The following MITF variants were observed in gnomAD, a reference collection of about 807,000 sequenced individuals.
MITF encodes microphthalmia-associated transcription factor.
MITF carries 17 observed loss-of-function variants against 60.5 expected under a neutral mutation model. That is an observed-to-expected ratio of 0.28 (90% CI 0.19 to 0.42). The LOEUF (loss-of-function observed/expected upper bound fraction) is 0.42, where lower values mean the gene tolerates loss of function less well. MITF is among the 10% of genes least tolerant of loss of function. MITF has a pLI of 1.00. For synonymous variants in MITF, 260 were observed against 248.5 expected (o/e 1.05, Z -0.43); for missense variants, 622 against 683.5 (o/e 0.91, Z 1.00).
intron 5 of MITF, among the ~76,000 whole-genome samples, chr3:69,943,072 CTTTTTTTT>C (rs781031439): frequency 8.0e-6 from 1 of 124,932 alleles, no homozygotes; most frequent in Non-Finnish European, 1.7e-5. Context: ...TTAGCCTCCT[CTTTTTTTT>C]TTTTTTTTTT....
At chr3:69,924,435 C>G (rs1362744182) in intron 2 of MITF, among the ~76,000 whole-genome samples, 1 of 152,120 alleles carries the variant, frequency 6.6e-6, no homozygotes, top group African/African-American at 2.4e-5. Context: ...AACACTTTTC[C>G]TTTTATGGAG....
chr3:69,806,217 T>C (rs546116379), intron 1 of MITF, among the ~76,000 whole-genome samples: 1 of 152,106 alleles, frequency 6.6e-6, no homozygotes, highest in East Asian at 1.9e-4. Flanking sequence ...CCTGAGTAGC[T>C]GGGATTACAG....
intron 1 of MITF, among the ~76,000 whole-genome samples, chr3:69,754,212 C>G (rs1430094167): frequency 3.3e-5 from 5 of 151,542 alleles, no homozygotes; most frequent in African/African-American, 1.2e-4. Context: ...CTGTTAGTCT[C>G]TCTCTCTCCT....
intron 5 of MITF, among the ~76,000 whole-genome samples, chr3:69,943,578 T>A (rs2066021700): frequency 6.6e-6 from 1 of 152,140 alleles, no homozygotes; most frequent in Non-Finnish European, 1.5e-5. Flanking sequence ...TCAAATAATA[T>A]TGATAGTATT....
At chr3:69,902,342 G>A (rs2065011713) in intron 2 of MITF, among the ~76,000 whole-genome samples, 1 of 151,942 alleles carries the variant, frequency 6.6e-6, no homozygotes, top group African/African-American at 2.4e-5. Context: ...TATACTTGAA[G>A]CTTGCTTTGA....
chr3:69,829,143 C>T (rs2063404933), intron 1 of MITF, among the ~76,000 whole-genome samples: 1 of 152,100 alleles, frequency 6.6e-6, no homozygotes, highest in Non-Finnish European at 1.5e-5. Flanking sequence ...TTTGGGCTTG[C>T]ATATTTGTGT....
chr3:69,825,477 G>A (rs1459962946), intron 1 of MITF, among the ~76,000 whole-genome samples: 1 of 152,192 alleles, frequency 6.6e-6, no homozygotes, highest in Non-Finnish European at 1.5e-5. Flanking sequence ...TCACAACAAG[G>A]CTGCTGAGGG....
At chr3:69,769,051 C>T (rs2062349859) in intron 1 of MITF, among the ~76,000 whole-genome samples, 1 of 152,148 alleles carries the variant, frequency 6.6e-6, no homozygotes, top group Admixed American at 6.5e-5. Flanking sequence ...TTGGGCAAAT[C>T]ACTAAGATTC....
chr3:69,964,898 G>T lies in MITF; in HGVS notation c.1231G>T (p.Gly411Cys). 1 of 1,614,020 alleles carries T rather than the reference G, an allele frequency of 6.2e-7. No individual in the cohort carries two copies. The highest frequency in any genetic ancestry group is 8.5e-7 in the Non-Finnish European group (1 of 1,179,996). ...TGGACTTTCCCTTATTCCATCCACGGGTCTCTGCTCTCCAGATTTGGTGAA... is the reference window on the plus strand; with the variant it reads ...TGGACTTTCCCTTATTCCATCCACGTGTCTCTGCTCTCCAGATTTGGTGAA... ...AHGLSLIPST[G>C]LCSPDLVNRI... Residue 411 changes from glycine (G) to cysteine (C), a missense_variant, in exon 10 of 10, where the codon GGT becomes TGT. Gly to Cys is a radical substitution (Grantham distance 159, BLOSUM62 -3). Transcript: ENST00000352241.
chr3:69,869,161 C>T (rs1459701145), intron 1 of MITF, among the ~76,000 whole-genome samples: 5 of 152,174 alleles, frequency 3.3e-5, no homozygotes. Flanking sequence ...TGTTGGGAGA[C>T]AGACACCAAC....
At chr3:69,949,256 A>G (rs906591990) in intron 6 of MITF, 88 bp downstream of exon 6, 26 of 981,416 alleles carry the variant, frequency 2.6e-5, no homozygotes, top group Admixed American at 6.8e-5. Flanking sequence ...TGTGCAAACT[A>G]TATCCAACTC....
chr3:69,887,520 A>G (rs1291948925), intron 2 of MITF, among the ~76,000 whole-genome samples: 1 of 152,106 alleles, frequency 6.6e-6, no homozygotes, highest in Non-Finnish European at 1.5e-5. Flanking sequence ...CAGATAATAT[A>G]CCAGTTATTC....
intron 8 of MITF, among the ~76,000 whole-genome samples, chr3:69,957,983 A>C (rs1370561227): frequency 3.9e-5 from 6 of 152,174 alleles, no homozygotes; most frequent in Non-Finnish European, 8.8e-5. Context: ...GCAAGTCTGC[A>C]TTTGTTGATT....
At chr3:69,825,647 T>A (rs1021708640) in intron 1 of MITF, among the ~76,000 whole-genome samples, 3 of 152,184 alleles carry the variant, frequency 2.0e-5, no homozygotes, top group African/African-American at 7.2e-5. Flanking sequence ...TCCCCTTTTC[T>A]GTGTGAATCC....
At chr3:69,875,227 G>A (rs2064326731) in intron 1 of MITF, among the ~76,000 whole-genome samples, 2 of 152,172 alleles carry the variant, frequency 1.3e-5, no homozygotes, top group Admixed American at 1.3e-4. Flanking sequence ...TCTCAGGGGA[G>A]TTGTGTGCCT....
intron 2 of MITF, among the ~76,000 whole-genome samples, chr3:69,908,993 A>G (rs1016450826): frequency 5.3e-5 from 8 of 152,066 alleles, no homozygotes; most frequent in Non-Finnish European, 1.0e-4. Flanking sequence ...ACCAGCTGCT[A>G]AGTTCTATTA....
intron 2 of MITF, among the ~76,000 whole-genome samples, chr3:69,896,860 A>G (rs1308405416): frequency 1.3e-5 from 2 of 152,100 alleles, no homozygotes; most frequent in African/African-American, 2.4e-5. Flanking sequence ...GTACTGTTGA[A>G]CCCTTCAAAC....
chr3:69,819,818 A>T (rs184832557), intron 1 of MITF, among the ~76,000 whole-genome samples: 45 of 152,182 alleles, frequency 3.0e-4, no homozygotes, highest in African/African-American at 9.6e-4. Context: ...GTACAAAAAA[A>T]GCTGGGAGTG....
At chr3:69,746,976 T>G (rs1418039461) in intron 1 of MITF, among the ~76,000 whole-genome samples, 3 of 152,222 alleles carry the variant, frequency 2.0e-5, no homozygotes, top group Non-Finnish European at 4.4e-5. Flanking sequence ...CGTCTTTCCC[T>G]CCTGTGGCTT....
Sources: gnomAD v4.1 joint callset for allele counts (sites outside exome capture counted in the v4.1 genomes callset) on GRCh38, gnomAD v4.1.1 for gene constraint, MANE v1.5 for transcripts, NCBI Gene and HGNC (gene_info 2026-07-23, HGNC 2026-07-21) for gene names.